The following PATJ variants were observed in gnomAD, a reference collection of about 807,000 sequenced individuals.
The protein encoded by PATJ is inaD-like protein.
In PATJ, 190 loss-of-function variants were observed where a neutral mutation model predicts 224.9. That is an observed-to-expected ratio of 0.84 (90% confidence interval 0.75 to 0.95). PATJ has a LOEUF of 0.95. Among genes scored for constraint, PATJ ranks in the 40% least tolerant of loss-of-function variants. PATJ has a pLI of 0.00. For missense variants in PATJ, 2,121 were observed against 2,270.3 expected (o/e 0.93, Z 1.34); for synonymous variants, 769 against 820.3 (o/e 0.94, Z 1.07).
chr1:61,996,529 G>A (rs558560256), intron 28 of PATJ, among the ~76,000 whole-genome samples: 1 of 152,058 alleles, frequency 6.6e-6, no homozygotes, highest in South Asian at 2.1e-4. Flanking sequence ...ATCTAGATTG[G>A]CTTTTTTAGA....
At chr1:61,960,168 A>G (rs1013713483) in intron 27 of PATJ, among the ~76,000 whole-genome samples, 16 of 152,178 alleles carry the variant, frequency 1.1e-4, no homozygotes, top group African/African-American at 1.2e-4. Context: ...GAGTCATGCA[A>G]TTTTAGCCCC....
rs183748509 is a variant in PATJ, at chr1:62,022,847, A to G, written c.3959+4900A>G. Among the ~76,000 whole-genome samples the G allele has an allele frequency of 1.8e-4, 28 of 152,176 alleles. 1 individual carries two copies. The East Asian group carries it at 2.7e-3, about 15-fold the overall frequency. On this transcript the variant is annotated intron_variant, in intron 29 of 43. Transcript: ENST00000642238. ...CTCCACCTTCCTGTATCGATTGAAC[A>G]TATGTCTTCCTTTTGTAATTAAAAA...
intron 37 of PATJ, among the ~76,000 whole-genome samples, chr1:62,117,786 TA>T (rs1212735169): frequency 1.3e-5 from 2 of 152,172 alleles, no homozygotes; most frequent in African/African-American, 4.8e-5. Flanking sequence ...TATTTCACTA[TA>T]TTTTTTTCAT....
intron 10 of PATJ, among the ~76,000 whole-genome samples, chr1:61,796,533 A>T (rs988600873): frequency 5.3e-5 from 8 of 152,100 alleles, no homozygotes; most frequent in Admixed American, 4.6e-4. Flanking sequence ...AAAGTCCTTT[A>T]TATCTCTCAG....
At chr1:62,075,917 C>T (rs1029506534) in intron 31 of PATJ, among the ~76,000 whole-genome samples, 12 of 79,874 alleles carry the variant, frequency 1.5e-4, no homozygotes, top group African/African-American at 5.0e-4. Flanking sequence ...GACTCCGTCT[C>T]AAAAAAAAAA....
chr1:61,785,244 A>G (rs574221949), intron 7 of PATJ, among the ~76,000 whole-genome samples: 1 of 152,292 alleles, frequency 6.6e-6, no homozygotes, highest in African/African-American at 2.4e-5. Context: ...ATGTTGCAGG[A>G]TATCTATTTT....
intron 27 of PATJ, among the ~76,000 whole-genome samples, chr1:61,947,746 C>G (rs1039480349): frequency 6.6e-6 from 1 of 152,088 alleles, no homozygotes; most frequent in African/African-American, 2.4e-5. Flanking sequence ...AAAAAGAGCC[C>G]GCATTGCCAA....
chr1:61,860,092 A>T (rs1456360022), intron 18 of PATJ, among the ~76,000 whole-genome samples: 1 of 152,194 alleles, frequency 6.6e-6, no homozygotes, highest in African/African-American at 2.4e-5. Flanking sequence ...TAGTATGTAT[A>T]TATCTATACA....
chr1:61,983,285 G>A (rs2149511471), intron 27 of PATJ, among the ~76,000 whole-genome samples: 1 of 152,106 alleles, frequency 6.6e-6, no homozygotes, highest in East Asian at 1.9e-4. Flanking sequence ...GGAAGTATAT[G>A]TGTTACAGAG....
At chr1:61,838,797 C>T (rs1323677147) in intron 17 of PATJ, among the ~76,000 whole-genome samples, 1 of 151,934 alleles carries the variant, frequency 6.6e-6, no homozygotes, top group Non-Finnish European at 1.5e-5. Context: ...TGTCTTCTTT[C>T]CCTAGTATTT....
chr1:61,873,745 C>T (rs1240172276), intron 20 of PATJ, among the ~76,000 whole-genome samples: 1 of 152,162 alleles, frequency 6.6e-6, no homozygotes, highest in Non-Finnish European at 1.5e-5. Flanking sequence ...GTTTACACCA[C>T]ATGTTTTGTA....
chr1:61,796,037 A>G (rs939940050), intron 10 of PATJ, among the ~76,000 whole-genome samples: 4 of 152,206 alleles, frequency 2.6e-5, no homozygotes, highest in Non-Finnish European at 4.4e-5. Context: ...TCTTTCCCCC[A>G]TTTAGTAGAA....
chr1:61,768,127 C>T (rs1020476028), intron 4 of PATJ, among the ~76,000 whole-genome samples: 2 of 151,928 alleles, frequency 1.3e-5, no homozygotes, highest in Admixed American at 1.3e-4. Context: ...AGGTAGAACC[C>T]GTGTAAATGG....
At chr1:61,788,079 G>A (rs1202639295) in intron 8 of PATJ, 107 bp downstream of exon 8, 48 of 795,184 alleles carry the variant, frequency 6.0e-5, no homozygotes, top group South Asian at 5.3e-4. Flanking sequence ...TGAGTTGTGC[G>A]CTCACTAGTG....
rs373313586 is a variant in PATJ, at chr1:62,002,697, G to A, written c.3867+12333G>A. On this transcript the variant is annotated intron_variant, in intron 28 of 43. Transcript: ENST00000642238. ...GCACTCAAACCTGGGCAACAAGAGC[G>A]AAACTCTGTCTCAAAAAAAAAAAAA... 1.5e-3 allele frequency among the ~76,000 whole-genome samples: 176 copies of A among 118,790 alleles called. 1 individual carries two copies. The highest frequency in any genetic ancestry group is 5.3e-3 in the African/African-American group (161 of 30,486). 77.9% of individuals were successfully genotyped at this position (118,790 alleles called of 152,430 possible).
intron 24 of PATJ, 82 bp from the exon 25 acceptor site, chr1:61,908,290 G>T: frequency 1.1e-6 from 1 of 883,902 alleles, no homozygotes; most frequent in Non-Finnish European, 1.9e-6. Context: ...CTTATAACTA[G>T]ATAATGCACA....
chr1:61,902,857 T>C (rs1671376398), intron 24 of PATJ, among the ~76,000 whole-genome samples: 1 of 151,870 alleles, frequency 6.6e-6, no homozygotes, highest in Non-Finnish European at 1.5e-5. Flanking sequence ...TTTAATAACT[T>C]TGTTATGGAA....
chr1:61,824,038 C>A (rs1286816), intron 15 of PATJ, among the ~76,000 whole-genome samples: 116,565 of 152,024 alleles, frequency 0.77, 45,191 homozygotes, highest in East Asian at 0.89. Flanking sequence ...TAATGCCCTA[C>A]ATTTTATTAG....
intron 22 of PATJ, among the ~76,000 whole-genome samples, chr1:61,885,008 G>T (rs933747686): frequency 7.2e-5 from 11 of 152,240 alleles, no homozygotes; most frequent in African/African-American, 2.6e-4. Context: ...TGGGTAATTG[G>T]GAGCAAGATT....
Sources: gnomAD v4.1 joint callset for allele counts (sites outside exome capture counted in the v4.1 genomes callset) on GRCh38, gnomAD v4.1.1 for gene constraint, MANE v1.5 for transcripts, NCBI Gene and HGNC (gene_info 2026-07-23, HGNC 2026-07-21) for gene names.